The following PCDH11X variants were observed in gnomAD, a reference collection of about 807,000 sequenced individuals.
PCDH11X encodes protocadherin 11 X-linked, also known as protocadherin-11 X-linked.
A neutral mutation model predicts 53.3 loss-of-function variants in PCDH11X; 18 were observed. That is an observed-to-expected ratio of 0.34 (90% CI 0.23 to 0.50). The LOEUF (loss-of-function observed/expected upper bound fraction) is 0.50, where lower values mean the gene tolerates loss of function less well. Ranked by LOEUF, PCDH11X falls within the 20% of genes least tolerant of loss-of-function variation. The pLI is 0.98. For missense variants in PCDH11X, 570 were observed against 1,032.4 expected, an observed-to-expected ratio of 0.55 and a Z score of 6.14; for synonymous variants, 279 against 393.3, an observed-to-expected ratio of 0.71 and a Z score of 3.44.
intron 9 of PCDH11X, among the ~76,000 whole-genome samples, chrX:92,398,313 A>C (rs1268279069): frequency 9.0e-6 from 1 of 111,329 alleles, no homozygotes; most frequent in Admixed American, 9.6e-5. Context: ...AGTACTCAAT[A>C]CAGGGTAAAA....
chrX:92,397,798 T>C (rs1175343544), intron 9 of PCDH11X, among the ~76,000 whole-genome samples: 6 of 110,972 alleles, frequency 5.4e-5, no homozygotes, highest in Admixed American at 4.8e-4. Flanking sequence ...GTGTTTGTTT[T>C]CTTCGTTCAG....
At chrX:91,926,155 T>G (rs1317516965) in intron 6 of PCDH11X, among the ~76,000 whole-genome samples, 2 of 105,129 alleles carry the variant, frequency 1.9e-5, no homozygotes, top group African/African-American at 7.1e-5. Context: ...AATTAAAGCA[T>G]AAGATTATGG....
chrX:92,618,082 A>T (rs1928177281), intron 10 of PCDH11X, 182 bp from the exon 11 acceptor site: 2 of 302,058 alleles, frequency 6.6e-6, no homozygotes, highest in South Asian at 3.4e-4. Context: ...CACCCACTCC[A>T]AGTCATTTAT....
chrX:92,443,858 T>C (rs1051796813), intron 9 of PCDH11X, among the ~76,000 whole-genome samples: 5 of 111,793 alleles, frequency 4.5e-5, no homozygotes, highest in African/African-American at 1.6e-4. Context: ...GCTTTATTTC[T>C]GGGTTCTCTA....
At chrX:91,923,389 T>TA (rs760672884) in intron 6 of PCDH11X, among the ~76,000 whole-genome samples, 3 of 96,209 alleles carry the variant, frequency 3.1e-5, no homozygotes, top group Non-Finnish European at 4.2e-5. Context: ...GCAGCTAGGA[T>TA]AAAGCAGGCA....
At chrX:92,143,065 C>T (rs959586876) in intron 6 of PCDH11X, among the ~76,000 whole-genome samples, 1 of 110,829 alleles carries the variant, frequency 9.0e-6, no homozygotes, top group Non-Finnish European at 1.9e-5. Context: ...TTGCTTTGGC[C>T]CAGAAGTTTG....
intron 8 of PCDH11X, among the ~76,000 whole-genome samples, chrX:92,309,827 T>C (rs1432585953): frequency 9.0e-6 from 1 of 111,589 alleles, no homozygotes; most frequent in Admixed American, 9.6e-5. Context: ...CCCAAGCCAG[T>C]GATAGCAGGG....
rs368941260 is a variant in PCDH11X at position 91,912,313 on chromosome X, T to C, written c.3033+33040T>C. 7.2e-5 allele frequency among the ~76,000 whole-genome samples: 8 copies of C among 111,741 alleles called. No individual in the cohort carries two copies. In the East Asian group the frequency reaches 2.3e-3, roughly 32 times the overall value. On this transcript the variant is annotated intron_variant, in intron 6 of 10. Transcript: ENST00000682573. ...TCTAAGTAGAACTTCCAGTACTATA[T>C]TGAATAATAATGGTGAAATTGGCCA...
At chrX:92,216,488 G>T (rs766538600) in intron 7 of PCDH11X, among the ~76,000 whole-genome samples, 1 of 105,562 alleles carries the variant, frequency 9.5e-6, no homozygotes, top group African/African-American at 3.5e-5. Flanking sequence ...GAAGTGAGAA[G>T]GGAAGTTTAG....
chrX:92,417,753 T>C (rs1383197921), intron 9 of PCDH11X, among the ~76,000 whole-genome samples: 1 of 108,829 alleles, frequency 9.2e-6, no homozygotes, highest in Non-Finnish European at 1.9e-5. Context: ...TAATTAGTAT[T>C]GAACAACTGC....
Position 92,082,300 on chromosome X carries a change from T to G in PCDH11X, c.3034-119075T>G, listed in dbSNP as rs772263643. On this transcript the variant is annotated intron_variant, in intron 6 of 10. Transcript: ENST00000682573. ...CTAGACTTTGAGATCTTATAATTTCTTCAACAGATTAAACCATCACTTTCC... is the reference window on the plus strand; with the variant it reads ...CTAGACTTTGAGATCTTATAATTTCGTCAACAGATTAAACCATCACTTTCC... 1.8e-3 allele frequency among the ~76,000 whole-genome samples: 194 copies of G among 106,789 alleles called. 2 individuals carry two copies. The highest frequency in any genetic ancestry group is 6.3e-3 in the African/African-American group (185 of 29,440). 92.7% of individuals were successfully genotyped at this position (106,789 alleles called of 115,157 possible).
At chrX:92,568,182 G>A (rs1921723200) in intron 10 of PCDH11X, among the ~76,000 whole-genome samples, 1 of 110,040 alleles carries the variant, frequency 9.1e-6, no homozygotes, top group Non-Finnish European at 1.9e-5. Context: ...AGCACTTTGG[G>A]AGGCCAAGGC....
chrX:92,142,694 A>G (rs767414227), intron 6 of PCDH11X, among the ~76,000 whole-genome samples: 1 of 111,618 alleles, frequency 9.0e-6, no homozygotes, highest in South Asian at 3.7e-4. Flanking sequence ...AAAGTATTTT[A>G]TTCATTTTAC....
chrX:92,209,470 A>C (rs930520490), intron 7 of PCDH11X, among the ~76,000 whole-genome samples: 3 of 112,309 alleles, frequency 2.7e-5, no homozygotes, highest in African/African-American at 9.7e-5. Context: ...CAAAATAATT[A>C]CCTTTATACC....
chrX:92,097,318 G>A (rs1236987343), intron 6 of PCDH11X, among the ~76,000 whole-genome samples: 3 of 108,205 alleles, frequency 2.8e-5, no homozygotes, highest in Non-Finnish European at 3.8e-5. Context: ...AGGTTGAGAT[G>A]GAAGGATTGC....
At chrX:92,512,586 A>G (rs2074182647) in intron 10 of PCDH11X, among the ~76,000 whole-genome samples, 1 of 111,884 alleles carries the variant, frequency 8.9e-6, no homozygotes, top group African/African-American at 3.2e-5. Context: ...TGCAAAAGAA[A>G]GAAAAATGTC....
chrX:92,153,573 A>T (rs989310428), intron 6 of PCDH11X, among the ~76,000 whole-genome samples: 108 of 111,178 alleles, frequency 9.7e-4, no homozygotes, highest in Admixed American at 3.0e-3. Context: ...TACTTAGAGA[A>T]TGGAGGCATT....
intron 6 of PCDH11X, among the ~76,000 whole-genome samples, chrX:91,965,662 T>C (rs756080305): frequency 2.7e-5 from 3 of 110,837 alleles, no homozygotes; most frequent in African/African-American, 6.7e-5. Flanking sequence ...TCTCCATTGA[T>C]GTTTCTTTAT....
chrX:91,833,021 G>GC (rs1937166990), intron 4 of PCDH11X, among the ~76,000 whole-genome samples: 1 of 97,422 alleles, frequency 1.0e-5, no homozygotes, highest in African/African-American at 3.8e-5. Flanking sequence ...CCTCCAATAG[G>GC]CCCCAGTGTG....
Sources: allele counts gnomAD v4.1 joint callset (sites outside exome capture counted in the v4.1 genomes callset), GRCh38; gene constraint gnomAD v4.1.1; transcripts MANE v1.5; gene names NCBI Gene and HGNC (gene_info 2026-07-23, HGNC 2026-07-21).